The following CSMD3 variants were observed in gnomAD, a reference collection of about 807,000 sequenced individuals.
CSMD3 encodes CUB and sushi domain-containing protein 3.
A neutral mutation model predicts 435.2 loss-of-function variants in CSMD3; 177 were observed. That is an observed-to-expected ratio of 0.41 (90% confidence interval 0.36 to 0.46). CSMD3 has a LOEUF of 0.46. Ranked by LOEUF, CSMD3 falls within the 20% of genes least tolerant of loss-of-function variation. The pLI, the probability that CSMD3 is intolerant of heterozygous loss-of-function variation, is 0.34. For missense variants in CSMD3, 4,265 were observed against 4,504.6 expected, an observed-to-expected ratio of 0.95 and a Z score of 1.52; for synonymous variants, 1,656 against 1,520.5, an observed-to-expected ratio of 1.09 and a Z score of -2.07.
chr8:113,300,062 G>A (rs1430879308), intron 2 of CSMD3, among the ~76,000 whole-genome samples: 2 of 150,026 alleles, frequency 1.3e-5, no homozygotes, highest in Admixed American at 6.8e-5. Context: ...GCTGAGGCAG[G>A]AGAACTGTTT....
chr8:112,927,980 TG>T (rs1256833418), intron 9 of CSMD3, among the ~76,000 whole-genome samples: 1 of 152,052 alleles, frequency 6.6e-6, no homozygotes, highest in African/African-American at 2.4e-5. Flanking sequence ...ACCCCAAGCT[TG>T]GTCATTTGTG....
intron 1 of CSMD3, among the ~76,000 whole-genome samples, chr8:113,317,705 A>G (rs1326903450): frequency 6.6e-6 from 1 of 152,092 alleles, no homozygotes; most frequent in Non-Finnish European, 1.5e-5. Context: ...ATCCTCCCTC[A>G]TTCATTTATG....
At chr8:112,233,686 G>C (rs897211853) in intron 68 of CSMD3, among the ~76,000 whole-genome samples, 1 of 151,900 alleles carries the variant, frequency 6.6e-6, no homozygotes. Context: ...TGAAAAAAAG[G>C]CTTGGTACTT....
chr8:112,836,426 T>C (rs1378380317), intron 11 of CSMD3, among the ~76,000 whole-genome samples: 1 of 151,900 alleles, frequency 6.6e-6, no homozygotes, highest in Non-Finnish European at 1.5e-5. Context: ...CATCCAATTA[T>C]GAGTTTCCTG....
At chr8:112,578,782 C>A (rs760823896) in intron 23 of CSMD3, among the ~76,000 whole-genome samples, 8 of 152,034 alleles carry the variant, frequency 5.3e-5, no homozygotes, top group Non-Finnish European at 1.0e-4. Flanking sequence ...CATTGTGGCA[C>A]AGGAGCAGCC....
intron 17 of CSMD3, among the ~76,000 whole-genome samples, chr8:112,660,079 T>C (rs574968701): frequency 6.6e-6 from 1 of 152,270 alleles, no homozygotes; most frequent in South Asian, 2.1e-4. Context: ...AATCATTTCT[T>C]GGAACCAGCT....
chr8:113,401,510 A>G (rs1265277665), intron 1 of CSMD3, among the ~76,000 whole-genome samples: 2 of 151,672 alleles, frequency 1.3e-5, no homozygotes, highest in Non-Finnish European at 3.0e-5. Flanking sequence ...TAGTTCGCCT[A>G]CATTTCACAT....
At chr8:112,719,140 A>C (rs1254825525) in intron 13 of CSMD3, among the ~76,000 whole-genome samples, 1 of 152,208 alleles carries the variant, frequency 6.6e-6, no homozygotes, top group Admixed American at 6.6e-5. Flanking sequence ...CTAGAAATAT[A>C]TAAATACTGT....
chr8:113,205,803 C>T (rs923364868), intron 3 of CSMD3, among the ~76,000 whole-genome samples: 11 of 152,130 alleles, frequency 7.2e-5, no homozygotes, highest in Non-Finnish European at 1.0e-4. Context: ...TATACTAAAA[C>T]ATAAAACATA....
intron 13 of CSMD3, among the ~76,000 whole-genome samples, chr8:112,737,585 G>A (rs1046924585): frequency 6.6e-6 from 1 of 151,882 alleles, no homozygotes; most frequent in Non-Finnish European, 1.5e-5. Flanking sequence ...CCCATTGTGT[G>A]ATTGGAGTCA....
At chr8:113,233,207 T>G (rs1165423767) in intron 3 of CSMD3, among the ~76,000 whole-genome samples, 1 of 151,614 alleles carries the variant, frequency 6.6e-6, no homozygotes, top group Admixed American at 6.6e-5. Flanking sequence ...TCAATTGAAC[T>G]TATATGCAAT....
chr8:113,426,434 A>G (rs1191331881), intron 1 of CSMD3, among the ~76,000 whole-genome samples: 1 of 151,356 alleles, frequency 6.6e-6, no homozygotes, highest in Non-Finnish European at 1.5e-5. Flanking sequence ...TAAAATAAGA[A>G]TATATTTTCC....
At chr8:112,992,448 G>T (rs78513773) in intron 6 of CSMD3, among the ~76,000 whole-genome samples, 1 of 151,652 alleles carries the variant, frequency 6.6e-6, no homozygotes. Flanking sequence ...GGTTGTTGAG[G>T]GTAGCCTAGT....
At chr8:112,668,557 G>C (rs1417309075) in intron 16 of CSMD3, among the ~76,000 whole-genome samples, 5 of 152,018 alleles carry the variant, frequency 3.3e-5, no homozygotes, top group South Asian at 2.1e-4. Context: ...GAGTTAGAAG[G>C]GGTCTTTAAA....
At chr8:112,783,417 G>GGAGA (rs2078445489) in intron 13 of CSMD3, among the ~76,000 whole-genome samples, 1 of 88,404 alleles carries the variant, frequency 1.1e-5, no homozygotes, top group Non-Finnish European at 2.0e-5. Context: ...AAGGAAGGAG[G>GGAGA]GAGGGAGGGA....
intron 32 of CSMD3, among the ~76,000 whole-genome samples, chr8:112,437,071 T>TA (rs1212397133): frequency 6.6e-6 from 1 of 152,042 alleles, no homozygotes; most frequent in African/African-American, 2.4e-5. Context: ...TACCATACCC[T>TA]AATGAAATTC....
At position 112,468,536 on chromosome 8, in the gene CSMD3, C is replaced by T. The variant is rs141724995; in HGVS notation, c.5395+4055G>A. The stretch of plus-strand genomic sequence containing the variant: ...GGACTCCTATACTCTAGGTATAATA[C>T]ATATTAACAAAAAATTTTCCCTCTG... On this transcript the variant is annotated intron_variant, in intron 32 of 70. Coordinates refer to ENST00000297405, the MANE Select transcript of CSMD3 (RefSeq NM_198123.2). Among the ~76,000 whole-genome samples the T allele has an allele frequency of 5.7e-3, 864 of 152,102 alleles. 2 individuals are homozygous for T. The highest frequency in any genetic ancestry group is 8.9e-3 in the Non-Finnish European group (602 of 67,960).
chr8:112,547,270 T>C (rs1827262228), intron 27 of CSMD3, among the ~76,000 whole-genome samples: 1 of 152,116 alleles, frequency 6.6e-6, no homozygotes, highest in Non-Finnish European at 1.5e-5. Flanking sequence ...ATGTGTTTTA[T>C]ATAGACATTT....
chr8:112,267,059 T>A (rs533259295), intron 59 of CSMD3, among the ~76,000 whole-genome samples: 1 of 152,136 alleles, frequency 6.6e-6, no homozygotes, highest in East Asian at 1.9e-4. Flanking sequence ...CTTTTCCCAA[T>A]ATTTTGGAGA....
Sources: allele counts gnomAD v4.1 joint callset (sites outside exome capture counted in the v4.1 genomes callset), GRCh38; gene constraint gnomAD v4.1.1; transcripts MANE v1.5; gene names NCBI Gene and HGNC (gene_info 2026-07-23, HGNC 2026-07-21).